The following WASF2 variants were observed in gnomAD, a reference collection of about 807,000 sequenced individuals.
The protein encoded by WASF2 is actin-binding protein WASF2.
A neutral mutation model predicts 45.0 loss-of-function variants in WASF2; 14 were observed. The observed-to-expected ratio is 0.31, with a 90% CI of 0.21 to 0.49. The LOEUF is 0.49. Ranked by LOEUF, WASF2 falls within the 20% of genes least tolerant of loss-of-function variation. The pLI is 0.99. For missense variants in WASF2, 439 were observed against 636.1 expected, an observed-to-expected ratio of 0.69 and a Z score of 3.33; for synonymous variants, 200 against 236.3, an observed-to-expected ratio of 0.85 and a Z score of 1.41.
At chr1:27,435,051 A>G (rs1398604076) in intron 1 of WASF2, among the ~76,000 whole-genome samples, 6 of 152,002 alleles carry the variant, frequency 3.9e-5, no homozygotes, top group African/African-American at 1.2e-4. Context: ...GGTTCAAGCA[A>G]TTCTCCTGCC....
chr1:27,418,456 G>A (rs1199984006), intron 3 of WASF2, 34 bp from the exon 4 acceptor site: 10 of 1,613,800 alleles, frequency 6.2e-6, no homozygotes, highest in Middle Eastern at 1.6e-4. Context: ...GAAAATGGAC[G>A]ACAGGCTATT....
chr1:27,456,733 CTT>C (rs568890517), intron 1 of WASF2, among the ~76,000 whole-genome samples: 26 of 132,112 alleles, frequency 2.0e-4, no homozygotes, highest in South Asian at 2.4e-4. Context: ...AAGGTTTTCT[CTT>C]TTTTTTTTTT....
chr1:27,412,532 A>G, intron 7 of WASF2, 40 bp downstream of exon 7: 4 of 1,612,318 alleles, frequency 2.5e-6, no homozygotes, highest in Non-Finnish European at 3.4e-6. Context: ...TCTCAAGTGT[A>G]TAACTACCAA....
chr1:27,454,485 C>A (rs2017440852), intron 1 of WASF2, among the ~76,000 whole-genome samples: 2 of 151,840 alleles, frequency 1.3e-5, no homozygotes, highest in African/African-American at 4.8e-5. Flanking sequence ...CACAGGCAGG[C>A]ACCACCAATG....
At chr1:27,432,254 C>T (rs6698210) in intron 1 of WASF2, among the ~76,000 whole-genome samples, 9,255 of 152,180 alleles carry the variant, frequency 0.061, 379 homozygotes, top group Middle Eastern at 0.12. Flanking sequence ...TAGGTTAGCA[C>T]CCTGACTAGT....
intron 8 of WASF2, among the ~76,000 whole-genome samples, chr1:27,409,428 CAAAAAAAA>C (rs60940665): frequency 1.6e-4 from 7 of 43,692 alleles, no homozygotes; most frequent in Non-Finnish European, 2.9e-4. Flanking sequence ...CTGTCCCCCA[CAAAAAAAA>C]AAAAAAAAAA....
chr1:27,425,838 CAAAAAAAA>C (rs57916899), intron 2 of WASF2, among the ~76,000 whole-genome samples: 2 of 50,606 alleles, frequency 4.0e-5, no homozygotes, highest in South Asian at 8.8e-4. Context: ...GACTCCGTCT[CAAAAAAAA>C]AAAAAAAAAA....
At chr1:27,426,896 T>C (rs941686097) in intron 2 of WASF2, among the ~76,000 whole-genome samples, 8 of 152,226 alleles carry the variant, frequency 5.3e-5, no homozygotes, top group Admixed American at 3.3e-4. Context: ...CTGAGAAGAT[T>C]AAATGAGATA....
chr1:27,489,348 T>TAC (rs10636716), intron 1 of WASF2, among the ~76,000 whole-genome samples: 846 of 10,084 alleles, frequency 0.084, 255 homozygotes, highest in Admixed American at 0.11. Flanking sequence ...TACTTCATGG[T>TAC]ACACACACAC....
chr1:27,405,780 T>A lies in WASF2; in HGVS notation c.*2409A>T, dbSNP rs949303651. ...ATGAGAGCGTCAGGCAGAGCTGTGC[T>A]GTTGCTCTCCGGGACTTGCAGATCA... On this transcript the variant is annotated 3_prime_UTR_variant, in exon 9 of 9. Coordinates refer to ENST00000618852, the MANE Select transcript of WASF2 (RefSeq NM_006990.5). 6.6e-6 allele frequency: 1 copy of A among 152,648 alleles called. No individual in the cohort carries two copies. The highest frequency in any genetic ancestry group is 3.4e-3 in the Middle Eastern group (1 of 296). The allele number at this position is 152,648 out of a possible 1,614,324, so 9.5% of individuals were successfully genotyped here.
chr1:27,420,489 C>T (rs2016890963), intron 2 of WASF2, among the ~76,000 whole-genome samples: 1 of 144,888 alleles, frequency 6.9e-6, no homozygotes, highest in Non-Finnish European at 1.5e-5. Flanking sequence ...AAAAGTGGTG[C>T]ATACAAATAA....
chr1:27,416,811 G>A (rs1001845865), intron 4 of WASF2, among the ~76,000 whole-genome samples: 2 of 152,220 alleles, frequency 1.3e-5, no homozygotes, highest in African/African-American at 4.8e-5. Context: ...ACTACTTAGT[G>A]TCCATATAAG....
chr1:27,426,939 A>G (rs921678705), intron 2 of WASF2, among the ~76,000 whole-genome samples: 1 of 152,202 alleles, frequency 6.6e-6, no homozygotes, highest in African/African-American at 2.4e-5. Flanking sequence ...AACCTGGCAT[A>G]AAGTAGGCAA....
intron 1 of WASF2, among the ~76,000 whole-genome samples, chr1:27,445,469 T>C (rs571788588): frequency 2.0e-5 from 3 of 152,244 alleles, no homozygotes; most frequent in African/African-American, 7.2e-5. Context: ...ACAAGTGCCA[T>C]CAAATTCCAG....
chr1:27,448,209 T>G (rs2017335541), intron 1 of WASF2, among the ~76,000 whole-genome samples: 1 of 152,220 alleles, frequency 6.6e-6, no homozygotes, highest in South Asian at 2.1e-4. Flanking sequence ...ACAATTAAGT[T>G]CCTTTCCTAT....
chr1:27,419,539 C>T (rs1365532614), intron 2 of WASF2, among the ~76,000 whole-genome samples: 3 of 152,264 alleles, frequency 2.0e-5, no homozygotes, highest in South Asian at 2.1e-4. Flanking sequence ...TGCTTGACCT[C>T]GGGAGGCGGA....
intron 7 of WASF2, among the ~76,000 whole-genome samples, chr1:27,412,067 G>T (rs138620844): frequency 6.6e-6 from 1 of 152,314 alleles, no homozygotes; most frequent in East Asian, 1.9e-4. Context: ...TTTACTCATT[G>T]TAACATGGGG....
intron 1 of WASF2, among the ~76,000 whole-genome samples, chr1:27,437,884 ACC>A (rs1383923152): frequency 6.6e-6 from 1 of 152,200 alleles, no homozygotes; most frequent in Non-Finnish European, 1.5e-5. Flanking sequence ...AAAAAACAAC[ACC>A]CACACACAAA....
Position 27,477,414 on chromosome 1 carries a change from C to T in WASF2, c.-44+12572G>A, listed in dbSNP as rs558041145. Among the ~76,000 whole-genome samples, 10 of 152,200 alleles carry T rather than the reference C, an allele frequency of 6.6e-5. No individual in the cohort carries two copies. The East Asian group carries it at 1.7e-3, about 26-fold the overall frequency. Reference sequence around the variant, plus strand: ...AATTAGCTGGGCGTGTTGACACATGCCTACAATCCCAGCTACTCGATAGGC... The same window carrying T: ...AATTAGCTGGGCGTGTTGACACATGTCTACAATCCCAGCTACTCGATAGGC... On this transcript the variant is annotated intron_variant, in intron 1 of 8. Transcript: ENST00000618852.
Sources: gnomAD v4.1 joint callset for allele counts (sites outside exome capture counted in the v4.1 genomes callset) on GRCh38, gnomAD v4.1.1 for gene constraint, MANE v1.5 for transcripts, NCBI Gene and HGNC (gene_info 2026-07-23, HGNC 2026-07-21) for gene names.